Variants in KHDRBS2 observed in about 807,000 individuals in gnomAD.
The protein encoded by KHDRBS2 is KH domain-containing, RNA-binding, signal transduction-associated protein 2.
KHDRBS2 carries 26 observed loss-of-function variants against 44.3 expected under a neutral mutation model. That is an observed-to-expected ratio of 0.59 (90% confidence interval 0.43 to 0.81). KHDRBS2 has a LOEUF of 0.81. KHDRBS2 is among the 40% of genes least tolerant of loss of function. The pLI is 0.00. For synonymous variants in KHDRBS2, 194 were observed against 151.1 expected, an observed-to-expected ratio of 1.28 and a Z score of -2.08; for missense variants, 476 against 433.1, an observed-to-expected ratio of 1.10 and a Z score of -0.88.
intron 1 of KHDRBS2, among the ~76,000 whole-genome samples, chr6:62,273,032 T>A (rs1840333806): frequency 6.6e-6 from 1 of 152,172 alleles, no homozygotes. Context: ...TAAGTTAAAG[T>A]ACTTCACTCA....
chr6:61,801,463 T>C (rs1166795193), intron 6 of KHDRBS2, among the ~76,000 whole-genome samples: 3 of 152,150 alleles, frequency 2.0e-5, no homozygotes, highest in Admixed American at 1.3e-4. Context: ...AAAATGTGCA[T>C]TGGATTTGTA....
chr6:62,040,795 C>T (rs1015883298), intron 3 of KHDRBS2, among the ~76,000 whole-genome samples: 1 of 152,040 alleles, frequency 6.6e-6, no homozygotes, highest in African/African-American at 2.4e-5. Context: ...CAGCTTCTTC[C>T]AATGTAGCCC....
intron 4 of KHDRBS2, among the ~76,000 whole-genome samples, chr6:61,967,562 C>T (rs1371809934): frequency 1.3e-5 from 2 of 151,816 alleles, no homozygotes; most frequent in African/African-American, 4.8e-5. Flanking sequence ...GCTATTATAG[C>T]AAACCCAGAT....
chr6:61,775,705 T>C (rs1233567186), intron 6 of KHDRBS2, among the ~76,000 whole-genome samples: 1 of 152,102 alleles, frequency 6.6e-6, no homozygotes. Flanking sequence ...ATTGCGAAAA[T>C]GGCCATACTG....
chr6:61,920,553 A>G (rs1359910825), intron 4 of KHDRBS2, among the ~76,000 whole-genome samples: 2 of 152,012 alleles, frequency 1.3e-5, no homozygotes, highest in African/African-American at 4.8e-5. Flanking sequence ...AGTGCTAAGT[A>G]TATGTGAATG....
intron 1 of KHDRBS2, among the ~76,000 whole-genome samples, chr6:62,214,988 G>C (rs2150147883): frequency 7.6e-6 from 1 of 131,190 alleles, no homozygotes; most frequent in South Asian, 2.4e-4. Context: ...CAAGACATAA[G>C]ATAAAAAAAT....
At chr6:62,097,766 G>T (rs1412816391) in intron 2 of KHDRBS2, among the ~76,000 whole-genome samples, 3 of 151,884 alleles carry the variant, frequency 2.0e-5, no homozygotes, top group South Asian at 4.1e-4. Context: ...TTTGTTATTT[G>T]TTTTCTTATG....
At chr6:61,999,239 G>A (rs181432452) in intron 3 of KHDRBS2, among the ~76,000 whole-genome samples, 28 of 152,040 alleles carry the variant, frequency 1.8e-4, no homozygotes, top group Admixed American at 1.1e-3. Context: ...AAGCATCCTC[G>A]AGTGATTTTA....
At chr6:62,199,171 C>T (rs1372217824) in intron 1 of KHDRBS2, among the ~76,000 whole-genome samples, 2 of 152,154 alleles carry the variant, frequency 1.3e-5, no homozygotes, top group African/African-American at 4.8e-5. Flanking sequence ...CCTTTGAAAA[C>T]TGGCACAAGA....
chr6:61,614,145 C>A, the KHDRBS2 span, among the ~76,000 whole-genome samples: 1 of 152,132 alleles, frequency 6.6e-6, no homozygotes, highest in Non-Finnish European at 1.5e-5. Flanking sequence ...TCACTACTTA[C>A]AGTCACATAT....
intron 1 of KHDRBS2, among the ~76,000 whole-genome samples, chr6:62,207,695 T>C (rs187645965): frequency 3.3e-5 from 5 of 152,314 alleles, no homozygotes; most frequent in African/African-American, 9.6e-5. Flanking sequence ...CCCCATTGAT[T>C]GTCATATGGC....
chr6:61,578,085 A>T, the KHDRBS2 span, among the ~76,000 whole-genome samples: 1 of 151,992 alleles, frequency 6.6e-6, no homozygotes, highest in Non-Finnish European at 1.5e-5. Flanking sequence ...TGACTCCCAG[A>T]AAAAAGGCTG....
chr6:61,686,047 ATCAGT>A (rs1766781024), intron 8 of KHDRBS2, among the ~76,000 whole-genome samples: 1 of 151,662 alleles, frequency 6.6e-6, no homozygotes, highest in Non-Finnish European at 1.5e-5. Context: ...AATATTAGAG[ATCAGT>A]TCAGAAAGGA....
the KHDRBS2 span, among the ~76,000 whole-genome samples, chr6:61,665,128 T>A: frequency 1.4e-4 from 21 of 151,704 alleles, no homozygotes; most frequent in South Asian, 4.1e-3. Flanking sequence ...TTATAAATTC[T>A]AATTTTACTT....
intron 6 of KHDRBS2, among the ~76,000 whole-genome samples, chr6:61,837,261 A>C (rs1583086181): frequency 6.6e-6 from 1 of 152,030 alleles, no homozygotes; most frequent in African/African-American, 2.4e-5. Flanking sequence ...CAAAGTGTTC[A>C]TTATTGTTTC....
intron 1 of KHDRBS2, among the ~76,000 whole-genome samples, chr6:62,215,698 A>G (rs1232693585): frequency 6.6e-6 from 1 of 151,828 alleles, no homozygotes; most frequent in East Asian, 1.9e-4. Flanking sequence ...TGTTTTTATA[A>G]TTTTGGTTTC....
the KHDRBS2 span, among the ~76,000 whole-genome samples, chr6:61,639,482 C>A: frequency 6.6e-6 from 1 of 152,014 alleles, no homozygotes; most frequent in South Asian, 2.1e-4. Context: ...AATCCAACCT[C>A]CTCTTGAATT....
rs75655906 is a variant in KHDRBS2 at position 62,130,077 on chromosome 6, C to T, written c.219+47108G>A. On this transcript the variant is annotated intron_variant, in intron 2 of 8. Transcript: ENST00000281156. ...TGCTTATGGTTATCATTTTTAATTC[C>T]AAAATGCTCAGAAGGGACACAGCTA... 9.2e-3 allele frequency among the ~76,000 whole-genome samples: 1,406 copies of T among 152,054 alleles called. 15 individuals carry two copies. Among genetic ancestry groups the T allele is most frequent in the Middle Eastern group, 0.017 (5 of 294 alleles).
chr6:61,651,268 T>C, the KHDRBS2 span, among the ~76,000 whole-genome samples: 1 of 152,234 alleles, frequency 6.6e-6, no homozygotes, highest in Non-Finnish European at 1.5e-5. Flanking sequence ...ATTTCAATTT[T>C]TTTTAGATTT....
Sources: allele counts gnomAD v4.1 joint callset (sites outside exome capture counted in the v4.1 genomes callset), GRCh38; gene constraint gnomAD v4.1.1; transcripts MANE v1.5; gene names NCBI Gene and HGNC (gene_info 2026-07-23, HGNC 2026-07-21).